The following GALNTL6 variants were observed in gnomAD, a reference collection of about 807,000 sequenced individuals.
GALNTL6 encodes polypeptide N-acetylgalactosaminyltransferase like 6.
A neutral mutation model predicts 73.7 loss-of-function variants in GALNTL6; 46 were observed. That is an observed-to-expected ratio of 0.62 (90% CI 0.49 to 0.80). The LOEUF is 0.80. Ranked by LOEUF, GALNTL6 falls within the 30% of genes least tolerant of loss-of-function variation. The pLI, the probability that GALNTL6 is intolerant of heterozygous loss-of-function variation, is 0.00. For synonymous variants in GALNTL6, 259 were observed against 263.7 expected (o/e 0.98, Z 0.17); for missense variants, 604 against 755.0 (o/e 0.80, Z 2.34).
chr4:172,478,358 A>G (rs565670828), intron 5 of GALNTL6, among the ~76,000 whole-genome samples: 1 of 152,346 alleles, frequency 6.6e-6, no homozygotes, highest in South Asian at 2.1e-4. Context: ...AAATAAAGCC[A>G]AATACCTACA....
At chr4:172,276,440 C>G (rs1233664347) in intron 3 of GALNTL6, among the ~76,000 whole-genome samples, 1 of 152,126 alleles carries the variant, frequency 6.6e-6, no homozygotes, top group African/African-American at 2.4e-5. Context: ...AGAAAGTGAA[C>G]TATTTTAAAA....
At chr4:172,755,414 A>C (rs1373332524) in intron 5 of GALNTL6, among the ~76,000 whole-genome samples, 1 of 152,174 alleles carries the variant, frequency 6.6e-6, no homozygotes, top group Admixed American at 6.5e-5. Flanking sequence ...TTTAGAAGAA[A>C]AGTAAAAATG....
intron 3 of GALNTL6, among the ~76,000 whole-genome samples, chr4:172,287,130 C>T (rs1739286524): frequency 6.6e-6 from 1 of 152,210 alleles, no homozygotes; most frequent in South Asian, 2.1e-4. Flanking sequence ...TAACCCAGAC[C>T]ATTCTTAAAA....
At chr4:172,546,543 G>A (rs1735758947) in intron 5 of GALNTL6, among the ~76,000 whole-genome samples, 2 of 151,166 alleles carry the variant, frequency 1.3e-5, no homozygotes, top group South Asian at 4.2e-4. Context: ...GGGACTTAGA[G>A]TAGCCATGAT....
chr4:171,818,575 TAAA>T (rs370223311), intron 2 of GALNTL6, among the ~76,000 whole-genome samples: 3 of 132,478 alleles, frequency 2.3e-5, no homozygotes, highest in Non-Finnish European at 1.7e-5. Context: ...TCTACCACAT[TAAA>T]AAAAAAAAAA....
intron 2 of GALNTL6, among the ~76,000 whole-genome samples, chr4:171,873,100 C>G (rs1049460204): frequency 5.9e-5 from 9 of 152,104 alleles, no homozygotes; most frequent in Non-Finnish European, 1.3e-4. Flanking sequence ...TTGGTTACAG[C>G]AAACAGAAAA....
At chr4:172,756,511 G>A (rs1212009201) in intron 5 of GALNTL6, among the ~76,000 whole-genome samples, 2 of 152,050 alleles carry the variant, frequency 1.3e-5, no homozygotes, top group African/African-American at 4.8e-5. Flanking sequence ...GGGGCATGGT[G>A]ATGTACACCT....
At chr4:172,695,111 G>A (rs1733604056) in intron 5 of GALNTL6, among the ~76,000 whole-genome samples, 1 of 152,046 alleles carries the variant, frequency 6.6e-6, no homozygotes, top group African/African-American at 2.4e-5. Flanking sequence ...ACAGTTCCTA[G>A]GGCATAAATG....
intron 3 of GALNTL6, among the ~76,000 whole-genome samples, chr4:172,231,233 T>G (rs1737058941): frequency 6.6e-6 from 1 of 152,020 alleles, no homozygotes; most frequent in African/African-American, 2.4e-5. Flanking sequence ...TTTCTCCTTA[T>G]GACCCCAGGA....
intron 5 of GALNTL6, among the ~76,000 whole-genome samples, chr4:172,376,246 C>G (rs1185486856): frequency 6.6e-6 from 1 of 152,272 alleles, no homozygotes; most frequent in Non-Finnish European, 1.5e-5. Flanking sequence ...AGAAGAGGGA[C>G]TAGCCTCAGA....
At chr4:171,899,077 T>TATTTATTATTTATTAATACTAAATAAAA (rs1737005641) in intron 2 of GALNTL6, among the ~76,000 whole-genome samples, 1 of 145,276 alleles carries the variant, frequency 6.9e-6, no homozygotes, top group African/African-American at 2.5e-5. Context: ...GTATTACTTT[T>TATTTATTATTTATTAATACTAAATAAAA]ATTTAGTATT....
intron 5 of GALNTL6, among the ~76,000 whole-genome samples, chr4:172,621,772 C>A (rs983668471): frequency 2.6e-5 from 4 of 152,138 alleles, no homozygotes; most frequent in Non-Finnish European, 4.4e-5. Flanking sequence ...CTCACAATAG[C>A]CTTGATATGC....
At chr4:172,967,896 C>G (rs565688387) in intron 10 of GALNTL6, among the ~76,000 whole-genome samples, 4 of 152,222 alleles carry the variant, frequency 2.6e-5, no homozygotes, top group African/African-American at 9.6e-5. Flanking sequence ...TTTTGAATTT[C>G]AATACTCAAG....
At chr4:172,402,742 A>G (rs1744085922) in intron 5 of GALNTL6, among the ~76,000 whole-genome samples, 1 of 152,118 alleles carries the variant, frequency 6.6e-6, no homozygotes, top group African/African-American at 2.4e-5. Context: ...CAAAAGGAAC[A>G]CATTCACTAA....
chr4:172,096,994 G>A (rs960041812), intron 2 of GALNTL6, among the ~76,000 whole-genome samples: 1 of 152,150 alleles, frequency 6.6e-6, no homozygotes, highest in Non-Finnish European at 1.5e-5. Flanking sequence ...CAGGCAGATC[G>A]TCATACTTTT....
chr4:172,658,127 G>A (rs1398813923), intron 5 of GALNTL6, among the ~76,000 whole-genome samples: 1 of 94,808 alleles, frequency 1.1e-5, no homozygotes, highest in Non-Finnish European at 2.0e-5. Context: ...TCCAGCCTGG[G>A]TGACAGAGCG....
chr4:172,817,534 G>A (rs1741676520), intron 7 of GALNTL6, among the ~76,000 whole-genome samples: 1 of 152,146 alleles, frequency 6.6e-6, no homozygotes. Flanking sequence ...ATGCTTTGAG[G>A]AAATTCTTGT....
At chr4:172,594,764 A>G (rs1412075270) in intron 5 of GALNTL6, among the ~76,000 whole-genome samples, 2 of 152,212 alleles carry the variant, frequency 1.3e-5, no homozygotes, top group South Asian at 2.1e-4. Flanking sequence ...ATGTTGTCCA[A>G]TTTAGTACTG....
At chr4:171,985,456 C>A (rs561093588) in intron 2 of GALNTL6, among the ~76,000 whole-genome samples, 2 of 152,320 alleles carry the variant, frequency 1.3e-5, no homozygotes, top group African/African-American at 2.4e-5. Flanking sequence ...ATGGGAGCTA[C>A]AATTCAAGAT....
Sources: allele counts gnomAD v4.1 joint callset (sites outside exome capture counted in the v4.1 genomes callset), GRCh38; gene constraint gnomAD v4.1.1; transcripts MANE v1.5; gene names NCBI Gene and HGNC (gene_info 2026-07-23, HGNC 2026-07-21).